Variants in KIF18B observed in about 807,000 individuals in gnomAD.
KIF18B encodes kinesin-like protein KIF18B.
In KIF18B, 49 loss-of-function variants were observed where a neutral mutation model predicts 80.9. The ratio of observed to expected loss-of-function variants is 0.61; its 90% CI spans 0.48 to 0.77. The LOEUF (loss-of-function observed/expected upper bound fraction) is 0.77, where lower values mean the gene tolerates loss of function less well. KIF18B is among the 30% of genes least tolerant of loss of function. The probability of loss-of-function intolerance (pLI) is 0.00; values close to 1 mark genes in which losing one functional copy is unlikely to be tolerated. For synonymous variants in KIF18B, 439 were observed against 463.9 expected (o/e 0.95, Z 0.69); for missense variants, 994 against 1,127.7 (o/e 0.88, Z 1.70).
In KIF18B at chr17:44,924,756, T is replaced by G; in HGVS notation, c.*1324A>C. On this transcript the variant is annotated 3_prime_UTR_variant, in exon 16 of 16. Coordinates refer to ENST00000593135, the MANE Select transcript of KIF18B (RefSeq NM_001265577.2). ...GTTATACCAAAAATATATGTATATA[T>G]CTATATATATATGCAGAAATAAAGG... 6.6e-6 allele frequency: 1 copy of G among 152,106 alleles called. No homozygotes were observed. The highest frequency in any genetic ancestry group is 1.9e-4 in the East Asian group (1 of 5,196). 9.4% of individuals were successfully genotyped at this position (152,106 alleles called of 1,614,324 possible). A position where few individuals can be genotyped will look rare whatever the true frequency, so the allele number is the denominator to read the frequency against.
At chr17:44,946,281 T>A (rs967002285) in intron 1 of KIF18B, among the ~76,000 whole-genome samples, 3 of 152,196 alleles carry the variant, frequency 2.0e-5, no homozygotes, top group African/African-American at 7.2e-5. Flanking sequence ...AAGGTATAAA[T>A]GGAATTCGGT....
chr17:44,927,122 G>A lies in KIF18B; in HGVS notation c.2277-44C>T, dbSNP rs779725322. On this transcript the variant is annotated intron_variant, in intron 13 of 15. Transcript: ENST00000593135. This position sits in a 1 kb window ranked among gnomAD's most constrained non-coding sequence, Gnocchi z 4.1. The stretch of plus-strand genomic sequence containing the variant: ...GAAGGAGGCTGATCAGCAGGGAACC[G>A]GAAGCAAGGCCAGCCACTTCCTCCC... 20 of 1,471,652 alleles carry A rather than the reference G, an allele frequency of 1.4e-5. No homozygotes were observed. In the Admixed American group the frequency reaches 2.0e-4, roughly 15 times the overall value. 91.2% of individuals were successfully genotyped at this position (1,471,652 alleles called of 1,614,324 possible). A position where few individuals can be genotyped will look rare whatever the true frequency, so the allele number is the denominator to read the frequency against.
At chr17:44,932,526 C>T (rs2052179043) in intron 9 of KIF18B, 147 bp downstream of exon 9, 3 of 635,144 alleles carry the variant, frequency 4.7e-6, no homozygotes, top group Non-Finnish European at 8.4e-6. Flanking sequence ...CAGTCAGTTG[C>T]TGGGCAGGCA....
rs971873138 is a variant in KIF18B at position 44,928,294 on chromosome 17, G to C, written c.2008C>G (p.Gln670Glu). ...TCTCCTTTGGGGGTGCTGGGCCCCTGTGAAGGTTGGGTGTCAGGCAGAGAC... is the reference window on the plus strand; with the variant it reads ...TCTCCTTTGGGGGTGCTGGGCCCCTCTGAAGGTTGGGTGTCAGGCAGAGAC... ...RGSLPDTQPS[Q>E]GPSTPKGERA... Residue 670 changes from glutamine (Q) to glutamate (E), a missense_variant, in exon 13 of 16, where the codon CAG becomes GAG. By Grantham distance (29) the Gln-to-Glu change is conservative. Transcript: ENST00000593135. 4 of 1,613,266 alleles carry C rather than the reference G, an allele frequency of 2.5e-6. No homozygotes were observed. The East Asian group carries it at 8.9e-5, about 36-fold the overall frequency.
rs1332923606 is a variant in KIF18B at position 44,934,860 on chromosome 17, C to T, written c.547G>A (p.Val183Met). 3.2e-6 allele frequency: 5 copies of T among 1,550,224 alleles called. No individual in the cohort carries two copies. The highest frequency in any genetic ancestry group is 2.4e-5 in the South Asian group (2 of 84,004). The part of the protein sequence containing the change: ...LAIREDPDKG[V>M]VVQGLSFHQP... The stretch of plus-strand genomic sequence containing the variant: ...TGGAAAGAAAGTCCTTGCACCACCA[C>T]CCCCTTGTCGGGGTCCTCGCGGATG... Residue 183 changes from valine to methionine, a missense_variant, in exon 4 of 16, where the codon GTG (valine) becomes ATG (methionine). Coordinates refer to ENST00000593135, the MANE Select transcript of KIF18B (RefSeq NM_001265577.2). This position sits in a 1 kb window ranked among gnomAD's most constrained non-coding sequence, Gnocchi z 5.4.
Position 44,934,375 on chromosome 17 carries a change from G to A in KIF18B, c.743C>T (p.Ala248Val). The change falls in exon 6 of 16, where the codon GCC becomes GTC. Residue 248 changes from alanine to valine, a missense_variant. Coordinates refer to ENST00000593135, the MANE Select transcript of KIF18B (RefSeq NM_001265577.2). The surrounding 1 kb of genome is among the most constrained non-coding windows in gnomAD (Gnocchi z 5.4). The part of the protein sequence containing the change: ...VPGLTQAVQV[A>V]KMSLIDLAGS... ...AGCCAGGTCAATCAGGCTCATCTTG[G>A]CCACCTGGACAGCCTGGGTCAGTCC... 6.2e-7 allele frequency: 1 copy of A among 1,607,220 alleles called. No homozygotes were observed. Among genetic ancestry groups the A allele is most frequent in the Non-Finnish European group, 8.5e-7 (1 of 1,176,688 alleles).
At chr17:44,937,508 A>G (rs1447094596) in intron 1 of KIF18B, among the ~76,000 whole-genome samples, 1 of 152,110 alleles carries the variant, frequency 6.6e-6, no homozygotes, top group Non-Finnish European at 1.5e-5. Flanking sequence ...TATGTACTTA[A>G]TTGCTCCCGT....
chr17:44,927,822 C>T lies in KIF18B; in HGVS notation c.2276+204G>A, dbSNP rs2052060244. Among the ~76,000 whole-genome samples, 1 of 152,216 alleles carries T rather than the reference C, an allele frequency of 6.6e-6. No individual in the cohort carries two copies. The highest frequency in any genetic ancestry group is 2.1e-4 in the South Asian group (1 of 4,836). On this transcript the variant is annotated intron_variant, in intron 13 of 15. Transcript: ENST00000593135. This position sits in a 1 kb window ranked among gnomAD's most constrained non-coding sequence, Gnocchi z 4.1. Reference sequence around the variant, plus strand: ...AGAGTGGGTGGCTTTGCAGCATGGACAGACCAGGCAGGGGCCCCAGGAGAA... The same window carrying T: ...AGAGTGGGTGGCTTTGCAGCATGGATAGACCAGGCAGGGGCCCCAGGAGAA...
rs2052070967 is a variant in KIF18B at position 44,928,242 on chromosome 17, G to A, written c.2060C>T (p.Pro687Leu). The change falls in exon 13 of 16, where the codon CCT becomes CTT. Residue 687 changes from proline (P) to leucine (L), a missense_variant. Transcript: ENST00000593135. Reference sequence around the variant, plus strand: ...GATGACTGTGGCTGGGCAAACGCGAGGGGAATGGCAGGGGGAGGAGGCCCT... The same window carrying A: ...GATGACTGTGGCTGGGCAAACGCGAAGGGAATGGCAGGGGGAGGAGGCCCT... ...GERASSPCHS[P>L]RVCPATVIKS... The A allele has an allele frequency of 1.2e-6, 2 of 1,613,534 alleles. No individual in the cohort carries two copies. The highest frequency in any genetic ancestry group is 3.3e-5 in the Admixed American group (2 of 59,958).
chr17:44,939,889 T>C (rs927688990), intron 1 of KIF18B, among the ~76,000 whole-genome samples: 5 of 152,224 alleles, frequency 3.3e-5, no homozygotes, highest in Non-Finnish European at 7.3e-5. Context: ...CTTGGCTCAC[T>C]GCAACCTCCG....
chr17:44,931,524 A>T, intron 11 of KIF18B, 78 bp downstream of exon 11: 1 of 1,594,826 alleles, frequency 6.3e-7, no homozygotes, highest in Non-Finnish European at 8.6e-7. Context: ...GATGTGCTTA[A>T]CACCAATTCC....
rs566397926 is a variant in KIF18B, at chr17:44,925,759, C to T, written c.*321G>A. The T allele has an allele frequency of 2.1e-4, 70 of 333,930 alleles. No homozygotes were observed. Among genetic ancestry groups the T allele is most frequent in the African/African-American group, 1.4e-3 (62 of 44,768 alleles). 20.7% of individuals were successfully genotyped at this position (333,930 alleles called of 1,614,324 possible). On this transcript the variant is annotated 3_prime_UTR_variant, in exon 16 of 16. Transcript: ENST00000593135. ...TCGTACCACTGCACTCCAGCCTGGG[C>T]GACAGAGTAAGACTCCATCTCAAAA... is the stretch of plus-strand genomic sequence containing the variant.
In KIF18B at chr17:44,928,909, C is replaced by G; in HGVS notation, c.1633G>C (p.Glu545Gln). The G allele has an allele frequency of 6.2e-7, 1 of 1,613,998 alleles. No individual in the cohort carries two copies. Among genetic ancestry groups the G allele is most frequent in the East Asian group, 2.2e-5 (1 of 44,878 alleles). The change falls in exon 12 of 16, where the codon GAG (glutamate) becomes CAG (glutamine). Residue 545 changes from glutamate (E) to glutamine (Q), a missense_variant. By Grantham distance (29) the Glu-to-Gln change is conservative. Transcript: ENST00000593135. ...EFETLQQLVQ[E>Q]EKIEPGAEAL... ...TCTGCCCCAGGCTCAATTTTTTCCTCTTGCACCAGCTGCTGTAGGGTCTCA... is the reference window on the plus strand; with the variant it reads ...TCTGCCCCAGGCTCAATTTTTTCCTGTTGCACCAGCTGCTGTAGGGTCTCA...
chr17:44,934,963 G>A lies in KIF18B; in HGVS notation c.472-28C>T. The A allele has an allele frequency of 6.9e-7, 1 of 1,454,752 alleles. No homozygotes were observed. Among genetic ancestry groups the A allele is most frequent in the Non-Finnish European group, 9.4e-7 (1 of 1,067,798 alleles). The allele number at this position is 1,454,752 out of a possible 1,614,324, so 90.1% of individuals were successfully genotyped here. A position where few individuals can be genotyped will look rare whatever the true frequency, so the allele number is the denominator to read the frequency against. ...GAGAAAGGAAGAAAGGAAGAGGCCT[G>A]AGGGAGAGCGGCCCATCAGGAAACC... On this transcript the variant is annotated intron_variant, in intron 3 of 15. Transcript: ENST00000593135. This position sits in a 1 kb window ranked among gnomAD's most constrained non-coding sequence, Gnocchi z 5.4.
intron 11 of KIF18B, among the ~76,000 whole-genome samples, chr17:44,930,547 C>G (rs891509623): frequency 6.6e-6 from 1 of 152,186 alleles, no homozygotes; most frequent in Non-Finnish European, 1.5e-5. Flanking sequence ...TTATTTTCAA[C>G]GATCTGGCTG....
Position 44,926,468 on chromosome 17 carries a change from C to A in KIF18B, c.2398G>T (p.Ala800Ser). The stretch of plus-strand genomic sequence containing the variant: ...TTCAAAGTGCTGCTGGGGAGGCGGG[C>A]GATGCGGCTGCGGCCATGGGAGACT... The part of the protein sequence containing the change: ...SSVSHGRSRI[A>S]RLPSSTLKRP... The change falls in exon 15 of 16, where the codon GCC becomes TCC. Residue 800 changes from alanine to serine, a missense_variant. Ala to Ser is a moderately conservative substitution (Grantham distance 99). Transcript: ENST00000593135. 6.3e-7 allele frequency: 1 copy of A among 1,588,856 alleles called. No individual in the cohort carries two copies. The highest frequency in any genetic ancestry group is 8.6e-7 in the Non-Finnish European group (1 of 1,168,922).
At chr17:44,940,240 T>G (rs542020473) in intron 1 of KIF18B, among the ~76,000 whole-genome samples, 1 of 152,380 alleles carries the variant, frequency 6.6e-6, no homozygotes, top group African/African-American at 2.4e-5. Flanking sequence ...TAAATGATGA[T>G]ATCGTTTGCA....
chr17:44,927,139 C>T lies in KIF18B; in HGVS notation c.2277-61G>A. 1 of 1,299,516 alleles carries T rather than the reference C, an allele frequency of 7.7e-7. No homozygotes were observed. Among genetic ancestry groups the T allele is most frequent in the Non-Finnish European group, 1.1e-6 (1 of 930,982 alleles). The allele number at this position is 1,299,516 out of a possible 1,614,324, so 80.5% of individuals were successfully genotyped here. ...AGGGAACCGGAAGCAAGGCCAGCCA[C>T]TTCCTCCCTCCAGCCCCCAGCTCGG... On this transcript the variant is annotated intron_variant, in intron 13 of 15. Transcript: ENST00000593135. This position sits in a 1 kb window ranked among gnomAD's most constrained non-coding sequence, Gnocchi z 4.1.
Position 44,925,913 on chromosome 17 carries a change from G to A in KIF18B, c.*167C>T. The A allele has an allele frequency of 1.5e-6, 1 of 670,642 alleles. No homozygotes were observed. The highest frequency in any genetic ancestry group is 2.6e-6 in the Non-Finnish European group (1 of 378,506). The allele number at this position is 670,642 out of a possible 1,614,324, so 41.5% of individuals were successfully genotyped here. ...TTAACAGAGGGTGAGTAGCAGGATG[G>A]ATGTCTGGGGAGGGATGTTAATACA... On this transcript the variant is annotated 3_prime_UTR_variant, in exon 16 of 16. Coordinates refer to ENST00000593135, the MANE Select transcript of KIF18B (RefSeq NM_001265577.2).
Sources: allele counts gnomAD v4.1 joint callset (sites outside exome capture counted in the v4.1 genomes callset), GRCh38; gene constraint gnomAD v4.1.1; non-coding constraint Gnocchi (gnomAD v3.1); transcripts MANE v1.5; gene names NCBI Gene and HGNC (gene_info 2026-07-23, HGNC 2026-07-21).